The following UPB1 variants were observed in gnomAD, a reference collection of about 807,000 sequenced individuals.
UPB1 encodes the protein beta-ureidopropionase.
In UPB1, 40 loss-of-function variants were observed where a neutral mutation model predicts 49.1. That is an observed-to-expected ratio of 0.81 (90% CI 0.63 to 1.06). The LOEUF (loss-of-function observed/expected upper bound fraction) is 1.06, where lower values mean the gene tolerates loss of function less well. Ranked by LOEUF, UPB1 falls within the 50% of genes least tolerant of loss-of-function variation. The pLI is 0.00. For synonymous variants in UPB1, 207 were observed against 198.2 expected, an observed-to-expected ratio of 1.04 and a Z score of -0.38; for missense variants, 499 against 505.9, an observed-to-expected ratio of 0.99 and a Z score of 0.13.
chr22:24,505,030 A>T (rs2044065279), intron 3 of UPB1, among the ~76,000 whole-genome samples: 1 of 150,910 alleles, frequency 6.6e-6, no homozygotes, highest in Non-Finnish European at 1.5e-5. Flanking sequence ...CGTGAGCCAC[A>T]GGGCCCAGTC....
chr22:24,495,408 C>G lies in UPB1; in HGVS notation c.5C>G (p.Ala2Gly), dbSNP rs764932232. 30 of 1,612,946 alleles carry G rather than the reference C, an allele frequency of 1.9e-5. No individual in the cohort carries two copies. In the Middle Eastern group the frequency reaches 4.9e-4, roughly 27 times the overall value. ...AAGCACTGGCGGACCGTGGCCATGG[C>G]GGGCGCTGAGTGGAAGTCGCTGGAG... M[A>G]GAEWKSLEEC... Residue 2 changes from alanine to glycine, a missense_variant, in exon 1 of 10, where the codon GCG becomes GGG. By Grantham distance (60) the Ala-to-Gly change is moderately conservative. Transcript: ENST00000326010.
intron 9 of UPB1, among the ~76,000 whole-genome samples, chr22:24,525,439 A>G (rs541537324): frequency 3.3e-5 from 5 of 151,744 alleles, no homozygotes; most frequent in African/African-American, 1.2e-4. Context: ...GGACCACGGG[A>G]CTCCCCTTCT....
chr22:24,515,704 G>C (rs775538854), intron 6 of UPB1, among the ~76,000 whole-genome samples: 1 of 152,164 alleles, frequency 6.6e-6, no homozygotes, highest in Non-Finnish European at 1.5e-5. Context: ...GGCTGAGCTC[G>C]GTGGCTCACA....
intron 1 of UPB1, 40 bp downstream of exon 1, chr22:24,495,547 C>T (rs748816914): frequency 6.2e-7 from 1 of 1,607,564 alleles, no homozygotes; most frequent in Non-Finnish European, 8.5e-7. Context: ...GTCTTGGGGC[C>T]ACAGAGTGTG....
intron 1 of UPB1, among the ~76,000 whole-genome samples, chr22:24,497,157 A>G (rs1015413770): frequency 5.9e-5 from 9 of 152,202 alleles, no homozygotes; most frequent in Non-Finnish European, 2.9e-5. Context: ...AGCTATGTGT[A>G]TTAAGTGAAA....
At chr22:24,513,636 C>T (rs757531973) in intron 5 of UPB1, 151 bp downstream of exon 5, 12 of 1,158,478 alleles carry the variant, frequency 1.0e-5, no homozygotes, top group Non-Finnish European at 1.5e-5. Context: ...CTGCAGTGCT[C>T]AGAGGGTTAC....
intron 7 of UPB1, 67 bp downstream of exon 7, chr22:24,520,535 C>A: frequency 6.5e-7 from 1 of 1,550,012 alleles, no homozygotes; most frequent in Non-Finnish European, 8.8e-7. Flanking sequence ...ACACCCCGTT[C>A]CCTCTGCACA....
chr22:24,502,998 C>T (rs536109509), intron 3 of UPB1: 5 of 156,938 alleles, frequency 3.2e-5, no homozygotes, highest in South Asian at 1.8e-4. Context: ...AATCCTCCCA[C>T]CTCAGCCTCC....
At position 24,500,246 on chromosome 22, in the gene UPB1, C is replaced by A. The variant is rs1368203482; in HGVS notation, c.244C>A (p.Pro82Thr). 6 of 1,614,188 alleles carry A rather than the reference C, an allele frequency of 3.7e-6. No homozygotes were observed. Among genetic ancestry groups the A allele is most frequent in the South Asian group, 1.1e-5 (1 of 91,088 alleles). ...CGTGGGGCTGGTTCAGAACAGAATC[C>A]CCCTCCCCGCAAATGCCCCTGTGGC... ...VHVGLVQNRI[P>T]LPANAPVAEQ... Residue 82 changes from proline (P) to threonine (T), a missense_variant, in exon 2 of 10, where the codon CCC (proline) becomes ACC (threonine). Coordinates refer to ENST00000326010, the MANE Select transcript of UPB1 (RefSeq NM_016327.3).
rs1396762687 is a variant in UPB1 at position 24,500,108 on chromosome 22, A to C, written c.106A>C (p.Lys36Gln). The change falls in exon 2 of 10, where the codon AAG (lysine) becomes CAG (glutamine). Residue 36 changes from lysine (K) to glutamine (Q), a missense_variant and splice_region_variant. Coordinates refer to ENST00000326010, the MANE Select transcript of UPB1 (RefSeq NM_016327.3). ...CCCTCTTTTTTCCTGCCCATCTAGGAAGCTTGATCTGCCCAGGGAAGCTTT... is the reference window on the plus strand; with the variant it reads ...CCCTCTTTTTTCCTGCCCATCTAGGCAGCTTGATCTGCCCAGGGAAGCTTT... ...KRVLYGKELR[K>Q]LDLPREAFEA... The C allele has an allele frequency of 6.2e-7, 1 of 1,614,050 alleles. No homozygotes were observed. Among genetic ancestry groups the C allele is most frequent in the African/African-American group, 1.3e-5 (1 of 74,920 alleles).
intron 7 of UPB1, among the ~76,000 whole-genome samples, chr22:24,521,500 A>T (rs1417289838): frequency 6.6e-6 from 1 of 152,162 alleles, no homozygotes; most frequent in Admixed American, 6.5e-5. Flanking sequence ...AATTAAATAA[A>T]TAAATAGAAA....
At position 24,495,371 on chromosome 22, in the gene UPB1, G is replaced by C. The variant is rs375125095; in HGVS notation, c.-33G>C. The C allele has an allele frequency of 1.9e-6, 3 of 1,609,396 alleles. No individual in the cohort carries two copies. Among genetic ancestry groups the C allele is most frequent in the Middle Eastern group, 1.7e-4 (1 of 5,940 alleles). On this transcript the variant is annotated 5_prime_UTR_variant, in exon 1 of 10. Coordinates refer to ENST00000326010, the MANE Select transcript of UPB1 (RefSeq NM_016327.3). Reference sequence around the variant, plus strand: ...ACTGCGGGCAAAGGGCAGGCAGTTCGTGCGCGGACACAAGCACTGGCGGAC... The same window carrying C: ...ACTGCGGGCAAAGGGCAGGCAGTTCCTGCGCGGACACAAGCACTGGCGGAC...
chr22:24,500,094 C>T lies in UPB1; in HGVS notation c.105-13C>T. 6.2e-7 allele frequency: 1 copy of T among 1,613,946 alleles called. No individual in the cohort carries two copies. The highest frequency in any genetic ancestry group is 1.1e-5 in the South Asian group (1 of 91,068). On this transcript the variant is annotated splice_polypyrimidine_tract_variant and intron_variant, in intron 1 of 9. Coordinates refer to ENST00000326010, the MANE Select transcript of UPB1 (RefSeq NM_016327.3). ...ATCAAAATCCCCTTCCCTCTTTTTT[C>T]CTGCCCATCTAGGAAGCTTGATCTG...
intron 4 of UPB1, among the ~76,000 whole-genome samples, chr22:24,511,612 A>ATTTTTTTTTTT (rs201206994): frequency 2.2e-5 from 2 of 90,688 alleles, no homozygotes; most frequent in Non-Finnish European, 2.4e-5. Flanking sequence ...ATATATATAT[A>ATTTTTTTTTTT]TATATATTTT....
At chr22:24,498,978 C>T (rs1242437699) in intron 1 of UPB1, among the ~76,000 whole-genome samples, 1 of 152,282 alleles carries the variant, frequency 6.6e-6, no homozygotes, top group East Asian at 1.9e-4. Flanking sequence ...GAGCGCCCTT[C>T]CGCTGGAGGG....
chr22:24,511,616 A>ATTTTTTT (rs758257120), intron 4 of UPB1, among the ~76,000 whole-genome samples: 11 of 125,152 alleles, frequency 8.8e-5, no homozygotes, highest in Non-Finnish European at 1.5e-4. Flanking sequence ...ATATATATAT[A>ATTTTTTT]TATTTTTTTT....
At chr22:24,523,038 T>G (rs991005892) in intron 8 of UPB1, among the ~76,000 whole-genome samples, 6 of 151,878 alleles carry the variant, frequency 4.0e-5, no homozygotes, top group African/African-American at 1.2e-4. Context: ...TGCCGCCATT[T>G]CAGGTCCCCC....
Position 24,525,702 on chromosome 22 carries a change from T to C in UPB1, c.1072-9T>C. 1 of 1,614,160 alleles carries C rather than the reference T, an allele frequency of 6.2e-7. No homozygotes were observed. Among genetic ancestry groups the C allele is most frequent in the Non-Finnish European group, 8.5e-7 (1 of 1,180,020 alleles). On this transcript the variant is annotated splice_polypyrimidine_tract_variant and intron_variant, in intron 9 of 9. Transcript: ENST00000326010. Reference sequence around the variant, plus strand: ...GAACCTCTAAAGTACATCTGTGTTTTGCTTTCAGATGACGGGCAGGTATGA... The same window carrying C: ...GAACCTCTAAAGTACATCTGTGTTTCGCTTTCAGATGACGGGCAGGTATGA...
At chr22:24,509,361 G>GAAAAAAAAAAAAAAAAAAAAAAAA in intron 3 of UPB1, among the ~76,000 whole-genome samples, 1 of 92,158 alleles carries the variant, frequency 1.1e-5, no homozygotes, top group Non-Finnish European at 2.0e-5. Context: ...CCTACTGTTT[G>GAAAAAAAAAAAAAAAAAAAAAAAA]AAAAAAAAAA....
Sources: allele counts gnomAD v4.1 joint callset (sites outside exome capture counted in the v4.1 genomes callset), GRCh38; gene constraint gnomAD v4.1.1; transcripts MANE v1.5; gene names NCBI Gene and HGNC (gene_info 2026-07-23, HGNC 2026-07-21).